RTN4R: variants seen among roughly 807,000 people sequenced by gnomAD.
The protein encoded by RTN4R is reticulon 4 receptor, also known as reticulon-4 receptor.
In RTN4R, 4 loss-of-function variants were observed where a neutral mutation model predicts 27.7. That is an observed-to-expected ratio of 0.14 (90% CI 0.07 to 0.33). The LOEUF (loss-of-function observed/expected upper bound fraction) is 0.33, where lower values mean the gene tolerates loss of function less well. Ranked by LOEUF, RTN4R falls within the 10% of genes least tolerant of loss-of-function variation. The probability of loss-of-function intolerance (pLI) is 1.00; values close to 1 mark genes in which losing one functional copy is unlikely to be tolerated. For synonymous variants in RTN4R, 290 were observed against 305.6 expected (o/e 0.95, Z 0.53); for missense variants, 554 against 671.5 (o/e 0.83, Z 1.93).
At chr22:20,259,290 T>C (rs1602649535) in intron 1 of RTN4R, among the ~76,000 whole-genome samples, 3 of 152,170 alleles carry the variant, frequency 2.0e-5, no homozygotes, top group Middle Eastern at 3.4e-3. Flanking sequence ...ATCCGGGAGG[T>C]ATGTAGATGG....
At chr22:20,256,212 CTCTG>C (rs1471926751) in intron 1 of RTN4R, among the ~76,000 whole-genome samples, 2 of 152,214 alleles carry the variant, frequency 1.3e-5, no homozygotes, top group Non-Finnish European at 2.9e-5. Flanking sequence ...TCCTCAGCAT[CTCTG>C]TCTGGGACCC....
In RTN4R at chr22:20,254,172, T is replaced by C. The variant is rs2051199841; in HGVS notation, c.23-11062A>G. ...AGCCATGAGCAGCAGTGCACGCCGG[T>C]AATCCCAGCACTTTGGGAGACTGAG... On this transcript the variant is annotated intron_variant, in intron 1 of 1. Transcript: ENST00000043402. Among the ~76,000 whole-genome samples, 4 of 152,110 alleles carry C rather than the reference T, an allele frequency of 2.6e-5. No individual in the cohort carries two copies. In the South Asian group the frequency reaches 8.3e-4, roughly 32 times the overall value.
At chr22:20,265,845 G>A (rs565657259) in intron 1 of RTN4R, among the ~76,000 whole-genome samples, 31 of 152,194 alleles carry the variant, frequency 2.0e-4, no homozygotes, top group Non-Finnish European at 4.0e-4. Flanking sequence ...AGGGAAAGCC[G>A]GGCCAATTCC....
Position 20,241,823 on chromosome 22 carries a change from C to G in RTN4R, c.1310G>C (p.Gly437Ala). Reference protein sequence around the residue: ...SHCRLGQAGSGGGGTGDSEGS... With the variant: ...SHCRLGQAGSAGGGTGDSEGS... ...TTCTGAGTCACCAGTCCCGCCACCC[C>G]CGCTGCCTGCCTGGCCCAGACGGCA... The change falls in exon 2 of 2, where the codon GGG becomes GCG. Residue 437 changes from glycine (G) to alanine (A), a missense_variant. By Grantham distance (60) the Gly-to-Ala change is moderately conservative. Around this residue, in one of 2 missense-constraint regions of RTN4R, gnomAD observed 141 missense variants for 129.2 expected, o/e 1.09. Transcript: ENST00000043402. The G allele has an allele frequency of 6.3e-7, 1 of 1,595,382 alleles. No homozygotes were observed.
chr22:20,249,307 T>A lies in RTN4R; in HGVS notation c.23-6197A>T, dbSNP rs111745046. On this transcript the variant is annotated intron_variant, in intron 1 of 1. Coordinates refer to ENST00000043402, the MANE Select transcript of RTN4R (RefSeq NM_023004.6). ...AGCACTGCCATACACCTGCCTCCCA[T>A]GCCCATCTGCCTGCCTGACCCTGCC... is the stretch of plus-strand genomic sequence containing the variant. 4.7e-3 allele frequency: 2,236 copies of A among 477,652 alleles called. 48 individuals are homozygous for A. The highest frequency in any genetic ancestry group is 0.039 in the African/African-American group (1,982 of 51,154). The allele number at this position is 477,652 out of a possible 1,614,324, so 29.6% of individuals were successfully genotyped here. A position where few individuals can be genotyped will look rare whatever the true frequency, so the allele number is the denominator to read the frequency against.
Position 20,268,298 on chromosome 22 carries a change from A to G in RTN4R, c.-206T>C, listed in dbSNP as rs1266141297. The G allele has an allele frequency of 0.027, 36 of 1,326 alleles. No individual in the cohort carries two copies. The highest frequency in any genetic ancestry group is 0.04 in the Non-Finnish European group (24 of 604). 0.1% of individuals were successfully genotyped at this position (1,326 alleles called of 1,614,324 possible). ...CAGGGCGCGCAGGGCGCACAGGGCGAGGGCGGCGGCGGCGCGGGGGTTGGG... is the reference window on the plus strand; with the variant it reads ...CAGGGCGCGCAGGGCGCACAGGGCGGGGGCGGCGGCGGCGCGGGGGTTGGG... On this transcript the variant is annotated 5_prime_UTR_variant, in exon 1 of 2. Coordinates refer to ENST00000043402, the MANE Select transcript of RTN4R (RefSeq NM_023004.6).
intron 1 of RTN4R, 40 bp downstream of exon 1, chr22:20,268,031 C>A: frequency 8.7e-7 from 1 of 1,148,208 alleles, no homozygotes; most frequent in South Asian, 4.2e-5. Flanking sequence ...CCCTCCGCGC[C>A]CCGCCGCCGG....
In RTN4R at chr22:20,265,731, G is replaced by A. The variant is rs181603565; in HGVS notation, c.22+2340C>T. On this transcript the variant is annotated intron_variant, in intron 1 of 1. Coordinates refer to ENST00000043402, the MANE Select transcript of RTN4R (RefSeq NM_023004.6). Reference sequence around the variant, plus strand: ...CCCTTCTGCACATGGATGGGGTGAGGGGCCAGCTGGCAGTGCAAAGGTCCC... The same window carrying A: ...CCCTTCTGCACATGGATGGGGTGAGAGGCCAGCTGGCAGTGCAAAGGTCCC... Among the ~76,000 whole-genome samples the A allele has an allele frequency of 4.4e-4, 67 of 152,310 alleles. 1 individual carries two copies. The highest frequency in any genetic ancestry group is 1.5e-3 in the African/African-American group (62 of 41,560).
intron 1 of RTN4R, among the ~76,000 whole-genome samples, chr22:20,250,175 G>A (rs533601334): frequency 3.9e-5 from 6 of 152,356 alleles, no homozygotes. Context: ...CGTGTCCGGG[G>A]GCCAGAGTGG....
intron 1 of RTN4R, among the ~76,000 whole-genome samples, chr22:20,267,293 G>A (rs1195235970): frequency 6.6e-6 from 1 of 152,248 alleles, no homozygotes; most frequent in Non-Finnish European, 1.5e-5. Context: ...CAGCAGGGCA[G>A]CCTGGGTGGG....
intron 1 of RTN4R, among the ~76,000 whole-genome samples, chr22:20,248,725 G>T (rs1471539417): frequency 3.9e-5 from 6 of 152,066 alleles, no homozygotes; most frequent in African/African-American, 1.4e-4. Flanking sequence ...GGAGAGTTAG[G>T]AGCCACAGAG....
At chr22:20,260,978 C>T (rs544232844) in intron 1 of RTN4R, among the ~76,000 whole-genome samples, 11 of 152,330 alleles carry the variant, frequency 7.2e-5, no homozygotes, top group Non-Finnish European at 1.6e-4. Flanking sequence ...ACTCCCACCC[C>T]GTCATAGCCT....
rs531903310 is a variant in RTN4R, at chr22:20,258,771, GGGATCCT to G, written c.22+9293_22+9299del. 1.7e-4 allele frequency among the ~76,000 whole-genome samples: 26 copies of G among 152,324 alleles called. No homozygotes were observed. In the East Asian group the frequency reaches 4.2e-3, roughly 25 times the overall value. On this transcript the variant is annotated intron_variant, in intron 1 of 1. Coordinates refer to ENST00000043402, the MANE Select transcript of RTN4R (RefSeq NM_023004.6). The stretch of plus-strand genomic sequence containing the variant: ...AAGCTCCCTGTGATCTGGGGGCCAG[GGGATCCT>G]GAGTACCCTGCCTCCTGGAGTGCTC...
At chr22:20,253,716 G>A (rs2051197193) in intron 1 of RTN4R, among the ~76,000 whole-genome samples, 2 of 152,116 alleles carry the variant, frequency 1.3e-5, no homozygotes, top group South Asian at 2.1e-4. Flanking sequence ...CAAAAATTAG[G>A]AGAAACATCT....
At chr22:20,264,301 C>T (rs1461746553) in intron 1 of RTN4R, among the ~76,000 whole-genome samples, 5 of 152,216 alleles carry the variant, frequency 3.3e-5, no homozygotes, top group South Asian at 2.1e-4. Context: ...GAATAGTTCC[C>T]GATGTGCAAA....
At chr22:20,253,691 A>G (rs1236653616) in intron 1 of RTN4R, among the ~76,000 whole-genome samples, 1 of 152,234 alleles carries the variant, frequency 6.6e-6, no homozygotes, top group Admixed American at 6.5e-5. Flanking sequence ...GGAAGCCGAC[A>G]GTGTGGGAAA....
rs907228312 is a variant in RTN4R at position 20,255,936 on chromosome 22, ATAAG to A, written c.22+12131_22+12134del. Among the ~76,000 whole-genome samples the A allele has an allele frequency of 9.4e-4, 143 of 152,390 alleles. No individual in the cohort carries two copies. Among genetic ancestry groups the A allele is most frequent in the African/African-American group, 3.3e-3 (137 of 41,592 alleles). On this transcript the variant is annotated intron_variant, in intron 1 of 1. Coordinates refer to ENST00000043402, the MANE Select transcript of RTN4R (RefSeq NM_023004.6). The surrounding 1 kb of genome is among the most constrained non-coding windows in gnomAD (Gnocchi z 4.8). Reference sequence around the variant, plus strand: ...AGGCACGCACGCAGCGGCGACGTGAATAAGTAATTGCTCTTTTATTAACAAGTGA... The same window carrying A: ...AGGCACGCACGCAGCGGCGACGTGAATAATTGCTCTTTTATTAACAAGTGA...
At position 20,242,171 on chromosome 22, in the gene RTN4R, G is replaced by A. The variant is rs141887267; in HGVS notation, c.962C>T (p.Thr321Ile). ...VATGPYHPIW[T>I]GRATDEEPLG... is the part of the protein sequence containing the mutation. ...CGGCTCCTCATCGGTGGCCCTGCCG[G>A]TCCAGATGGGATGGTAAGGGCCGGT... Residue 321 changes from threonine (T) to isoleucine (I), a missense_variant, in exon 2 of 2, where the codon ACC (threonine) becomes ATC (isoleucine). Thr to Ile is a moderately conservative substitution (Grantham distance 89). Around this residue, in one of 2 missense-constraint regions of RTN4R, gnomAD observed 413 missense variants for 542.3 expected, o/e 0.76. Transcript: ENST00000043402. 14 of 1,611,530 alleles carry A rather than the reference G, an allele frequency of 8.7e-6. No individual in the cohort carries two copies. The African/African-American group carries it at 1.1e-4, about 12-fold the overall frequency.
At chr22:20,259,163 C>T (rs955130746) in intron 1 of RTN4R, among the ~76,000 whole-genome samples, 5 of 152,184 alleles carry the variant, frequency 3.3e-5, no homozygotes, top group Non-Finnish European at 7.4e-5. Context: ...CCCCACCCAT[C>T]ACCCATCATC....
Sources: gnomAD v4.1 joint callset for allele counts (sites outside exome capture counted in the v4.1 genomes callset) on GRCh38, gnomAD v4.1.1 for gene constraint, gnomAD v4.1.1 regional missense constraint, Gnocchi (gnomAD v3.1) non-coding constraint, MANE v1.5 for transcripts, NCBI Gene and HGNC (gene_info 2026-07-23, HGNC 2026-07-21) for gene names.